SNTG1: variants seen among roughly 807,000 people sequenced by gnomAD.
SNTG1 encodes the protein syntrophin gamma 1.
SNTG1 carries 39 observed loss-of-function variants against 74.7 expected under a neutral mutation model. That is an observed-to-expected ratio of 0.52 (90% CI 0.40 to 0.68). SNTG1 has a LOEUF of 0.68. Ranked by LOEUF, SNTG1 falls within the 30% of genes least tolerant of loss-of-function variation. The pLI, the probability that SNTG1 is intolerant of heterozygous loss-of-function variation, is 0.00. For missense variants in SNTG1, 685 were observed against 609.5 expected (o/e 1.12, Z -1.30); for synonymous variants, 254 against 217.1 (o/e 1.17, Z -1.49).
chr8:50,226,742 G>C (rs931895984), intron 2 of SNTG1, among the ~76,000 whole-genome samples: 2 of 152,108 alleles, frequency 1.3e-5, no homozygotes, highest in Non-Finnish European at 2.9e-5. Flanking sequence ...GATGTCTCAT[G>C]CCTCTCTGAA....
intron 9 of SNTG1, among the ~76,000 whole-genome samples, chr8:50,514,832 C>T (rs1364595027): frequency 6.6e-6 from 1 of 152,096 alleles, no homozygotes; most frequent in Non-Finnish European, 1.5e-5. Context: ...ACTTAAATGT[C>T]ATACTATTAT....
At chr8:50,485,183 G>A (rs569742221) in intron 8 of SNTG1, among the ~76,000 whole-genome samples, 15 of 152,232 alleles carry the variant, frequency 9.9e-5, no homozygotes, top group African/African-American at 3.1e-4. Flanking sequence ...GTGGAAAAAC[G>A]GCTGGGACCA....
At chr8:50,103,275 C>T (rs1450946974) in intron 1 of SNTG1, among the ~76,000 whole-genome samples, 4 of 152,172 alleles carry the variant, frequency 2.6e-5, no homozygotes, top group African/African-American at 4.8e-5. Flanking sequence ...AGGTCCTTCA[C>T]GTCCTTAGTA....
chr8:50,444,404 C>G (rs2093386455), intron 5 of SNTG1, among the ~76,000 whole-genome samples: 2 of 152,148 alleles, frequency 1.3e-5, no homozygotes, highest in African/African-American at 4.8e-5. Flanking sequence ...TTACTCAAGT[C>G]TGATTCACTT....
intron 2 of SNTG1, among the ~76,000 whole-genome samples, chr8:50,212,103 C>G (rs892242910): frequency 6.6e-6 from 1 of 152,124 alleles, no homozygotes; most frequent in Non-Finnish European, 1.5e-5. Flanking sequence ...ATCTTTCTCT[C>G]AAAACTGGTT....
intron 2 of SNTG1, among the ~76,000 whole-genome samples, chr8:50,389,859 C>T (rs1338086547): frequency 3.3e-5 from 5 of 152,044 alleles, no homozygotes; most frequent in African/African-American, 4.8e-5. Context: ...TTTTCATGTG[C>T]CTTTTGGCTG....
At chr8:50,173,605 T>C (rs1225866517) in intron 2 of SNTG1, among the ~76,000 whole-genome samples, 1 of 152,166 alleles carries the variant, frequency 6.6e-6, no homozygotes, top group African/African-American at 2.4e-5. Flanking sequence ...GATTGCCTAT[T>C]AAAGAGATTT....
chr8:50,005,413 T>C (rs1815123899), intron 1 of SNTG1, among the ~76,000 whole-genome samples: 1 of 151,870 alleles, frequency 6.6e-6, no homozygotes, highest in African/African-American at 2.4e-5. Flanking sequence ...TTTCTCATAT[T>C]GTAAAAAGGA....
intron 2 of SNTG1, among the ~76,000 whole-genome samples, chr8:50,243,999 A>T (rs533591127): frequency 6.6e-5 from 10 of 152,160 alleles, no homozygotes; most frequent in African/African-American, 2.2e-4. Context: ...TGGGTGATTT[A>T]TAAAGAAAAG....
At chr8:50,129,790 G>C (rs1402216673) in intron 1 of SNTG1, among the ~76,000 whole-genome samples, 1 of 152,032 alleles carries the variant, frequency 6.6e-6, no homozygotes, top group East Asian at 1.9e-4. Context: ...TAAATACAGA[G>C]TAATTTCATT....
intron 1 of SNTG1, among the ~76,000 whole-genome samples, chr8:50,124,419 C>G (rs1436856046): frequency 7.1e-6 from 1 of 141,816 alleles, no homozygotes; most frequent in African/African-American, 2.6e-5. Context: ...AGTATTGCTG[C>G]TAAAGGATAG....
At chr8:49,942,494 T>A (rs951220974) in intron 1 of SNTG1, among the ~76,000 whole-genome samples, 1 of 152,032 alleles carries the variant, frequency 6.6e-6, no homozygotes, top group Admixed American at 6.5e-5. Flanking sequence ...CTACAGTTCC[T>A]ACTTAATTTA....
chr8:50,730,131 T>C (rs2131617659), intron 17 of SNTG1, among the ~76,000 whole-genome samples: 2 of 152,236 alleles, frequency 1.3e-5, no homozygotes, highest in East Asian at 3.9e-4. Context: ...CAAATATACT[T>C]TGGAAATGAT....
chr8:50,693,577 G>A (rs1368119618), intron 15 of SNTG1, among the ~76,000 whole-genome samples: 1 of 152,092 alleles, frequency 6.6e-6, no homozygotes, highest in Non-Finnish European at 1.5e-5. Context: ...AATTAATAAG[G>A]AAATACTGGA....
At chr8:50,495,600 G>A (rs1050096724) in intron 8 of SNTG1, among the ~76,000 whole-genome samples, 2 of 151,874 alleles carry the variant, frequency 1.3e-5, no homozygotes, top group African/African-American at 2.4e-5. Context: ...TTTCCAGCTG[G>A]GTAATTTCTG....
At chr8:49,931,970 A>G (rs1807634384) in intron 1 of SNTG1, among the ~76,000 whole-genome samples, 2 of 152,234 alleles carry the variant, frequency 1.3e-5, no homozygotes, top group South Asian at 4.1e-4. Context: ...ATTAGTAGTT[A>G]CTAGCTTTAA....
intron 1 of SNTG1, among the ~76,000 whole-genome samples, chr8:49,938,603 T>TTTTCTTTTTTTTTTTTCTTTCTTTCTTTC: frequency 1.3e-5 from 1 of 74,754 alleles, no homozygotes; most frequent in African/African-American, 4.5e-5. Flanking sequence ...TTTTCTTTTC[T>TTTTCTTTTTTTTTTTTCTTTCTTTCTTTC]TTTCTTTCTT....
intron 2 of SNTG1, among the ~76,000 whole-genome samples, chr8:50,249,036 A>G (rs1214557977): frequency 1.3e-5 from 2 of 152,094 alleles, no homozygotes; most frequent in Admixed American, 6.6e-5. Context: ...GGAGCATGGT[A>G]CCCTGTATCT....
In SNTG1 at chr8:50,551,364, A is replaced by G. The variant is rs959223713; in HGVS notation, c.681-1686A>G. Among the ~76,000 whole-genome samples, 12 of 152,320 alleles carry G rather than the reference A, an allele frequency of 7.9e-5. No individual in the cohort carries two copies. In the East Asian group the frequency reaches 2.1e-3, roughly 27 times the overall value. On this transcript the variant is annotated intron_variant, in intron 11 of 18. Coordinates refer to ENST00000642720, the MANE Select transcript of SNTG1 (RefSeq NM_018967.5). Reference sequence around the variant, plus strand: ...CCCCTCAGAATTATTCTATGTAGGCACTATGTAACATCTATAATTACATAG... The same window carrying G: ...CCCCTCAGAATTATTCTATGTAGGCGCTATGTAACATCTATAATTACATAG...
Sources: allele counts gnomAD v4.1 joint callset (sites outside exome capture counted in the v4.1 genomes callset), GRCh38; gene constraint gnomAD v4.1.1; transcripts MANE v1.5; gene names NCBI Gene and HGNC (gene_info 2026-07-23, HGNC 2026-07-21).